GCSAML: variants seen among roughly 807,000 people sequenced by gnomAD.
GCSAML encodes the protein germinal center-associated signaling and motility-like protein.
GCSAML carries 9 observed loss-of-function variants against 13.0 expected under a neutral mutation model. The observed-to-expected ratio is 0.69, with a 90% CI of 0.42 to 1.21. GCSAML has a LOEUF of 1.21. Among genes scored for constraint, GCSAML ranks in the 50% most tolerant of loss-of-function variants. GCSAML has a pLI of 0.00. For synonymous variants in GCSAML, 37 were observed against 52.9 expected, an observed-to-expected ratio of 0.70 and a Z score of 1.31; for missense variants, 143 against 153.4, an observed-to-expected ratio of 0.93 and a Z score of 0.36.
In GCSAML at chr1:247,566,567, T is replaced by C. The variant is rs144381216; in HGVS notation, c.168+608T>C. 1.9e-3 allele frequency among the ~76,000 whole-genome samples: 292 copies of C among 152,222 alleles called. 2 individuals are homozygous for C. Among genetic ancestry groups the C allele is most frequent in the Non-Finnish European group, 3.2e-3 (216 of 68,026 alleles). On this transcript the variant is annotated intron_variant, in intron 4 of 4. Transcript: ENST00000366488. ...CTATTATTTTAATTTTCAAAGCTATTATAACAAAAACAGATGAAATTAAGT... is the reference window on the plus strand; with the variant it reads ...CTATTATTTTAATTTTCAAAGCTATCATAACAAAAACAGATGAAATTAAGT...
intron 4 of GCSAML, among the ~76,000 whole-genome samples, chr1:247,567,876 G>T (rs1262438022): frequency 6.6e-6 from 1 of 152,146 alleles, no homozygotes; most frequent in Non-Finnish European, 1.5e-5. Flanking sequence ...ATTCTAACTG[G>T]CATGAGATGG....
At chr1:247,562,922 C>T (rs1356494048) in intron 2 of GCSAML, among the ~76,000 whole-genome samples, 1 of 151,990 alleles carries the variant, frequency 6.6e-6, no homozygotes, top group Non-Finnish European at 1.5e-5. Flanking sequence ...TCGCTGCAAC[C>T]TCTGCCTCCC....
intron 2 of GCSAML, chr1:247,529,535 G>C (rs1666822227): frequency 6.6e-6 from 1 of 152,130 alleles, no homozygotes; most frequent in African/African-American, 2.4e-5. Flanking sequence ...TGATACATGA[G>C]TCCAGAAACC....
At chr1:247,510,425 T>C (rs1396539529) in intron 1 of GCSAML, among the ~76,000 whole-genome samples, 3 of 152,184 alleles carry the variant, frequency 2.0e-5, no homozygotes, top group Non-Finnish European at 2.9e-5. Flanking sequence ...GCTTGTGGTC[T>C]ATCTGTTTTG....
chr1:247,510,422 GTCTA>G (rs1665992835), intron 1 of GCSAML, among the ~76,000 whole-genome samples: 1 of 151,924 alleles, frequency 6.6e-6, no homozygotes, highest in Non-Finnish European at 1.5e-5. Context: ...CTGGCTTGTG[GTCTA>G]TCTGTTTTGT....
intron 2 of GCSAML, 146 bp from the exon 3 acceptor site, chr1:247,563,444 G>T: frequency 3.8e-6 from 2 of 524,080 alleles, no homozygotes; most frequent in Middle Eastern, 2.8e-4. Context: ...AAAGGCTGGA[G>T]TAAGCAGCCT....
In GCSAML at chr1:247,540,078, C is replaced by T. The variant is rs887296214; in HGVS notation, c.-147-8967C>T. ...CCTCTGCCTAGAATAGTCTCTCTCT[C>T]TCTCTCTTTTTGATACAGAGTCTCG... On this transcript the variant is annotated intron_variant, in intron 2 of 5. Coordinates refer to the GCSAML transcript ENST00000366489. 4.6e-5 allele frequency among the ~76,000 whole-genome samples: 7 copies of T among 152,298 alleles called. No homozygotes were observed. In the East Asian group the frequency reaches 1.2e-3, roughly 25 times the overall value.
At position 247,566,878 on chromosome 1, in the gene GCSAML, A is replaced by G. The variant is rs191008851; in HGVS notation, c.168+919A>G. On this transcript the variant is annotated intron_variant, in intron 4 of 4. Coordinates refer to ENST00000366488, the MANE Select transcript of GCSAML (RefSeq NM_145278.5). ...AGTATTTTATCTTATAAAAATTATA[A>G]TGAATAATTACTTATTCATTACTTA... Among the ~76,000 whole-genome samples the G allele has an allele frequency of 7.2e-3, 1,095 of 152,040 alleles. 2 individuals are homozygous for G. The highest frequency in any genetic ancestry group is 0.017 in the Middle Eastern group (5 of 294).
intron 4 of GCSAML, among the ~76,000 whole-genome samples, chr1:247,573,434 T>C (rs1371377740): frequency 6.6e-6 from 1 of 152,146 alleles, no homozygotes; most frequent in Non-Finnish European, 1.5e-5. Flanking sequence ...TTCCCTTGGC[T>C]AAGGGAGGGA....
chr1:247,540,837 T>C (rs1667390244), intron 2 of GCSAML, among the ~76,000 whole-genome samples: 1 of 152,230 alleles, frequency 6.6e-6, no homozygotes, highest in Admixed American at 6.5e-5. Flanking sequence ...ATCACTCCAC[T>C]ACCAAATATT....
At chr1:247,551,001 G>A (rs1255748949) in intron 1 of GCSAML, among the ~76,000 whole-genome samples, 3 of 152,252 alleles carry the variant, frequency 2.0e-5, no homozygotes, top group Admixed American at 6.5e-5. Context: ...TTAAAATTGA[G>A]AGAGAATTAA....
intron 2 of GCSAML, among the ~76,000 whole-genome samples, chr1:247,535,682 T>C (rs1667191578): frequency 6.6e-6 from 1 of 152,170 alleles, no homozygotes; most frequent in South Asian, 2.1e-4. Context: ...AAAGAGATCT[T>C]TGTGGTGATC....
intron 1 of GCSAML, among the ~76,000 whole-genome samples, chr1:247,550,529 C>G (rs373003587): frequency 6.6e-6 from 1 of 152,048 alleles, no homozygotes; most frequent in Non-Finnish European, 1.5e-5. Context: ...CCCAGCTACT[C>G]GGCAGGCTGG....
intron 2 of GCSAML, chr1:247,530,474 C>CTTT (rs1558240672): frequency 6.6e-6 from 1 of 151,248 alleles, no homozygotes; most frequent in East Asian, 1.9e-4. Context: ...CTGCACCTCC[C>CTTT]TTTTCCCCTC....
At chr1:247,557,180 A>G (rs1309145410) in intron 2 of GCSAML, among the ~76,000 whole-genome samples, 1 of 152,210 alleles carries the variant, frequency 6.6e-6, no homozygotes, top group Non-Finnish European at 1.5e-5. Context: ...GCATGGTTTT[A>G]TGGCACTAGA....
intron 2 of GCSAML, among the ~76,000 whole-genome samples, chr1:247,542,815 C>T (rs1667454647): frequency 6.6e-6 from 1 of 151,906 alleles, no homozygotes; most frequent in Admixed American, 6.6e-5. Context: ...CTACTTAGTC[C>T]AAAATAAAAT....
intron 2 of GCSAML, among the ~76,000 whole-genome samples, chr1:247,563,149 C>A (rs551678443): frequency 6.6e-6 from 1 of 151,974 alleles, no homozygotes; most frequent in South Asian, 2.1e-4. Context: ...CACCCGGCCA[C>A]CACACTTATT....
chr1:247,531,648 T>G, intron 2 of GCSAML: 1 of 1,614,126 alleles, frequency 6.2e-7, no homozygotes, highest in Non-Finnish European at 8.5e-7. Flanking sequence ...TGTAAATAAG[T>G]GGGTTCAGCG....
At chr1:247,555,135 C>T (rs761771625) in intron 1 of GCSAML, among the ~76,000 whole-genome samples, 6 of 145,286 alleles carry the variant, frequency 4.1e-5, no homozygotes, top group Non-Finnish European at 8.9e-5. Context: ...CAATTAGGTC[C>T]CTACTGATGT....
Sources: gnomAD v4.1 joint callset for allele counts (sites outside exome capture counted in the v4.1 genomes callset) on GRCh38, gnomAD v4.1.1 for gene constraint, MANE v1.5 for transcripts, NCBI Gene and HGNC (gene_info 2026-07-23, HGNC 2026-07-21) for gene names.